Variants in FAT2 observed in about 807,000 individuals in gnomAD.
FAT2 encodes protocadherin Fat 2.
A neutral mutation model predicts 295.3 loss-of-function variants in FAT2; 150 were observed. The observed-to-expected ratio is 0.51, with a 90% CI of 0.44 to 0.58. FAT2 has a LOEUF of 0.58. Among genes scored for constraint, FAT2 ranks in the 20% least tolerant of loss-of-function variants. FAT2 has a pLI of 0.00. For synonymous variants in FAT2, 2,026 were observed against 2,150.3 expected, an observed-to-expected ratio of 0.94 and a Z score of 1.60; for missense variants, 4,868 against 5,442.7, an observed-to-expected ratio of 0.89 and a Z score of 3.32.
chr5:151,573,547 G>C lies in FAT2; in HGVS notation c.-20-4596C>G, dbSNP rs370796764. ...CATGTGCCTATAATCCTAGCTACTC[G>C]GGAGGCTGAGGCAGGAGAATCGCTT... On this transcript the variant is annotated intron_variant, in intron 1 of 23. Coordinates refer to ENST00000261800, the MANE Select transcript of FAT2 (RefSeq NM_001447.3). Among the ~76,000 whole-genome samples, 31 of 152,254 alleles carry C rather than the reference G, an allele frequency of 2.0e-4. No homozygotes were observed. In the South Asian group the frequency reaches 2.1e-3, roughly 10 times the overall value.
chr5:151,561,454 G>A (rs1215661966), intron 3 of FAT2, among the ~76,000 whole-genome samples: 30 of 152,148 alleles, frequency 2.0e-4, no homozygotes, highest in East Asian at 1.7e-3. Context: ...CCAGTGATGC[G>A]ATCATGGGTC....
chr5:151,543,784 G>A lies in FAT2; in HGVS notation c.7343C>T (p.Ser2448Phe), dbSNP rs1756380478. 1 of 1,614,104 alleles carries A rather than the reference G, an allele frequency of 6.2e-7. No homozygotes were observed. Among genetic ancestry groups the A allele is most frequent in the Non-Finnish European group, 8.5e-7 (1 of 1,180,050 alleles). Residue 2448 changes from serine (S) to phenylalanine (F), a missense_variant, in exon 10 of 24, where the codon TCT (serine) becomes TTT (phenylalanine). Around this residue, in one of 5 missense-constraint regions of FAT2, gnomAD observed 3,297 missense variants for 3,669.4 expected, o/e 0.90. Transcript: ENST00000261800. ...AGCACCTACCCTCAAATTGTAAGAA[G>A]AGTCCAGGTGCTTTTTGCAAAGGTT... The part of the protein sequence containing the change: ...MFNLCKKHLD[S>F]SYNLRVGASD...
At position 151,545,764 on chromosome 5, in the gene FAT2, T is replaced by C. The variant is rs1026930467; in HGVS notation, c.5363A>G (p.His1788Arg). Residue 1788 changes from histidine to arginine, a missense_variant, in exon 10 of 24, where the codon CAT becomes CGT. Around this residue, in one of 5 missense-constraint regions of FAT2, gnomAD observed 3,297 missense variants for 3,669.4 expected, o/e 0.90. Transcript: ENST00000261800. ...AGCTTCTTTGTCACTGTCAGAGGCATGAATCACAAAGGGGTTGTTGTTTTT... is the reference window on the plus strand; with the variant it reads ...AGCTTCTTTGTCACTGTCAGAGGCACGAATCACAAAGGGGTTGTTGTTTTT... ...MDKNNNPFVI[H>R]ASDSDKEANS... The C allele has an allele frequency of 6.2e-7, 1 of 1,614,110 alleles. No individual in the cohort carries two copies. The highest frequency in any genetic ancestry group is 8.5e-7 in the Non-Finnish European group (1 of 1,179,988).
intron 12 of FAT2, among the ~76,000 whole-genome samples, chr5:151,537,130 A>G (rs781630116): frequency 6.6e-6 from 1 of 152,060 alleles, no homozygotes; most frequent in Non-Finnish European, 1.5e-5. Context: ...TCCCATAGCT[A>G]GCAAAAAGAC....
rs1759390698 is a variant in FAT2, at chr5:151,591,198, G to A, written c.-54C>T. ...TTCAGGTAGGGGAGGGTGCCCCAGA[G>A]CAGGCTGCTGGGCTGGCGCCCCTCT... On this transcript the variant is annotated 5_prime_UTR_variant, in exon 1 of 24. Coordinates refer to ENST00000261800, the MANE Select transcript of FAT2 (RefSeq NM_001447.3). 6.6e-6 allele frequency among the ~76,000 whole-genome samples: 1 copy of A among 152,254 alleles called. No homozygotes were observed. The highest frequency in any genetic ancestry group is 2.4e-5 in the African/African-American group (1 of 41,466).
chr5:151,542,959 A>G lies in FAT2; in HGVS notation c.8168T>C (p.Ile2723Thr), dbSNP rs1286136076. Residue 2723 changes from isoleucine to threonine, a missense_variant, in exon 10 of 24, where the codon ATC becomes ACC. By Grantham distance (89) the Ile-to-Thr change is moderately conservative. Coordinates refer to ENST00000261800, the MANE Select transcript of FAT2 (RefSeq NM_001447.3). ...TGTAGTGCCCCGCACTAGACTGTAG[A>G]TGACTGGATCTTGAGCTGCCACTGC... ...VKAVAAQDPV[I>T]YSLVRGTTPE... is the part of the protein sequence containing the mutation. The G allele has an allele frequency of 6.2e-7, 1 of 1,614,230 alleles. No homozygotes were observed. The highest frequency in any genetic ancestry group is 8.5e-7 in the Non-Finnish European group (1 of 1,180,044).
At chr5:151,513,511 CAT>C (rs1345630927) in intron 20 of FAT2, among the ~76,000 whole-genome samples, 2 of 152,180 alleles carry the variant, frequency 1.3e-5, no homozygotes, top group African/African-American at 4.8e-5. Flanking sequence ...TCAAATACCA[CAT>C]GTTCTCACTT....
In FAT2 at chr5:151,542,866, G is replaced by A. The variant is rs1756286993; in HGVS notation, c.8261C>T (p.Pro2754Leu). The change falls in exon 10 of 24, where the codon CCC becomes CTC. Residue 2754 changes from proline to leucine, a missense_variant. Pro to Leu is a moderately conservative substitution (Grantham distance 98). This residue lies in a region of FAT2 where 3,297 missense variants were observed against 3,669.4 expected (regional missense o/e 0.90). Transcript: ENST00000261800. ...CAATTTGGTGGATTCGTGGTCCATG[G>A]GCTTCCTCACCTTTATGACCCCTGT... ...PDTGVIKVRK[P>L]MDHESTKLYQ... The A allele has an allele frequency of 1.2e-6, 2 of 1,614,116 alleles. No individual in the cohort carries two copies. Among genetic ancestry groups the A allele is most frequent in the Non-Finnish European group, 1.7e-6 (2 of 1,180,010 alleles).
chr5:151,553,128 A>T (rs759389808), intron 6 of FAT2, 49 bp downstream of exon 6: 1 of 1,571,082 alleles, frequency 6.4e-7, no homozygotes, highest in East Asian at 2.2e-5. Flanking sequence ...GAGCTGGTGT[A>T]TAAGGATGGG....
chr5:151,548,770 C>T (rs557299305), intron 9 of FAT2, among the ~76,000 whole-genome samples: 3 of 152,150 alleles, frequency 2.0e-5, no homozygotes, highest in Non-Finnish European at 4.4e-5. Context: ...CGTGAGCCAC[C>T]GCATCTGGCC....
At position 151,505,983 on chromosome 5, in the gene FAT2, G is replaced by A; in HGVS notation, c.12632C>T (p.Ser4211Leu). The A allele has an allele frequency of 6.4e-7, 1 of 1,572,220 alleles. No individual in the cohort carries two copies. The highest frequency in any genetic ancestry group is 8.6e-7 in the Non-Finnish European group (1 of 1,163,376). Residue 4211 changes from serine (S) to leucine (L), a missense_variant, in exon 24 of 24, where the codon TCA becomes TTA. Ser to Leu is a moderately radical substitution (Grantham distance 145, BLOSUM62 -2). This residue lies in a region of FAT2 where 492 missense variants were observed against 482.6 expected (regional missense o/e 1.02). Transcript: ENST00000261800. The stretch of plus-strand genomic sequence containing the variant: ...AGGCTCTGGCATCACGACTGGGGTT[G>A]AGTGGCGGTGAGCCGAGGGCGGCAG... Reference protein sequence around the residue: ...GPLPPSAHRHSTPVVMPEPNG... With the variant: ...GPLPPSAHRHLTPVVMPEPNG...
At chr5:151,553,107 C>T in intron 6 of FAT2, 70 bp downstream of exon 6, 1 of 1,484,222 alleles carries the variant, frequency 6.7e-7, no homozygotes, top group Non-Finnish European at 9.4e-7. Flanking sequence ...AGGACTGTAG[C>T]AGGAAAACTA....
chr5:151,517,835 C>A (rs1753019449), intron 19 of FAT2, 70 bp from the exon 20 acceptor site: 9 of 1,561,702 alleles, frequency 5.8e-6, no homozygotes, highest in Non-Finnish European at 7.9e-6. Context: ...CTGACTTTGT[C>A]TTATTTAATC....
chr5:151,540,838 C>T (rs1756055619), intron 10 of FAT2, 75 bp from the exon 11 acceptor site: 2 of 1,314,948 alleles, frequency 1.5e-6, no homozygotes, highest in Non-Finnish European at 2.1e-6. Context: ...GGTGGCTGCC[C>T]ATTGGATGCA....
rs1037394276 is a variant in FAT2, at chr5:151,553,813, A to C, written c.3946-426T>G. On this transcript the variant is annotated intron_variant, in intron 5 of 23. Transcript: ENST00000261800. ...CAATATCTGATTTAATCCTCACAAT[A>C]ACCTTGGAAGAGGTCCTGTTATCAT... Among the ~76,000 whole-genome samples, 4 of 152,192 alleles carry C rather than the reference A, an allele frequency of 2.6e-5. No individual in the cohort carries two copies. The South Asian group carries it at 8.3e-4, about 31-fold the overall frequency.
At chr5:151,532,114 T>G (rs1050613373) in intron 13 of FAT2, 144 bp from the exon 14 acceptor site, 7 of 1,040,956 alleles carry the variant, frequency 6.7e-6, no homozygotes, top group South Asian at 1.6e-5. Flanking sequence ...AGAGTGAGGG[T>G]CTCTCCAGCG....
At chr5:151,593,154 T>C (rs999748409), upstream of FAT2, among the ~76,000 whole-genome samples, 6 of 152,252 alleles carry the variant, frequency 3.9e-5, no homozygotes, top group South Asian at 2.1e-4. Flanking sequence ...GAGCCTGTGA[T>C]CAAGGCTAAC....
chr5:151,585,572 A>G (rs1242411843), intron 1 of FAT2, among the ~76,000 whole-genome samples: 4 of 152,340 alleles, frequency 2.6e-5, no homozygotes, highest in Admixed American at 6.5e-5. Context: ...AGTTTGCATC[A>G]TTGCACTCCA....
At chr5:151,550,929 G>T (rs1327003462) in intron 7 of FAT2, 58 bp from the exon 8 acceptor site, 3 of 1,549,126 alleles carry the variant, frequency 1.9e-6, no homozygotes, top group Middle Eastern at 2.3e-4. Context: ...CAGGGACTGG[G>T]TCTGTCTGGA....
Sources: gnomAD v4.1 joint callset for allele counts (sites outside exome capture counted in the v4.1 genomes callset) on GRCh38, gnomAD v4.1.1 for gene constraint, gnomAD v4.1.1 regional missense constraint, MANE v1.5 for transcripts, NCBI Gene and HGNC (gene_info 2026-07-23, HGNC 2026-07-21) for gene names.